Variants in RAD18 observed in about 807,000 individuals in gnomAD.
RAD18 encodes E3 ubiquitin-protein ligase RAD18.
A neutral mutation model predicts 60.4 loss-of-function variants in RAD18; 47 were observed. The ratio of observed to expected loss-of-function variants is 0.78; its 90% confidence interval spans 0.62 to 0.99. The LOEUF is 0.99. RAD18 is among the 50% of genes least tolerant of loss of function. The probability of loss-of-function intolerance (pLI) is 0.00; values close to 1 mark genes in which losing one functional copy is unlikely to be tolerated. For missense variants in RAD18, 640 were observed against 593.3 expected (o/e 1.08, Z -0.82); for synonymous variants, 225 against 195.5 (o/e 1.15, Z -1.26).
intron 7 of RAD18, among the ~76,000 whole-genome samples, chr3:8,916,104 T>C (rs1207365779): frequency 6.6e-6 from 1 of 152,148 alleles, no homozygotes; most frequent in Non-Finnish European, 1.5e-5. Context: ...AGCAAAAATG[T>C]TATCCCCAGA....
chr3:8,962,208 G>C (rs1363955986), intron 1 of RAD18, among the ~76,000 whole-genome samples: 1 of 152,182 alleles, frequency 6.6e-6, no homozygotes, highest in East Asian at 1.9e-4. Flanking sequence ...TTCAGGCTCA[G>C]AGAGGTTAAG....
intron 12 of RAD18, among the ~76,000 whole-genome samples, chr3:8,881,804 G>C (rs1250085011): frequency 1.3e-5 from 2 of 152,166 alleles, no homozygotes; most frequent in African/African-American, 4.8e-5. Flanking sequence ...TCTTAACTCT[G>C]TTTGATCCTT....
At chr3:8,934,308 C>A (rs895304019) in intron 7 of RAD18, among the ~76,000 whole-genome samples, 1 of 152,006 alleles carries the variant, frequency 6.6e-6, no homozygotes, top group African/African-American at 2.4e-5. Context: ...TTCAATGATG[C>A]CATTAAGAGA....
At chr3:8,905,602 A>G (rs1296341219) in intron 9 of RAD18, among the ~76,000 whole-genome samples, 1 of 152,242 alleles carries the variant, frequency 6.6e-6, no homozygotes, top group Non-Finnish European at 1.5e-5. Context: ...CCAACCAGCT[A>G]AATGTGGATG....
Position 8,963,354 on chromosome 3 carries a change from G to C in RAD18, c.32C>G (p.Pro11Arg). ...ACTCACCTTCATGACTGCCAGGCCC[G>C]GAGGCCACCGAGACTCGGCCAGGGA... MDSLAESRWP[P>R]GLAVMKTIDD... is the part of the protein sequence containing the mutation. The change falls in exon 1 of 13, where the codon CCG becomes CGG. Residue 11 changes from proline (P) to arginine (R), a missense_variant. Coordinates refer to ENST00000264926, the MANE Select transcript of RAD18 (RefSeq NM_020165.4). 5 of 1,611,470 alleles carry C rather than the reference G, an allele frequency of 3.1e-6. No individual in the cohort carries two copies. Among genetic ancestry groups the C allele is most frequent in the Non-Finnish European group, 4.2e-6 (5 of 1,178,906 alleles).
At chr3:8,955,771 A>G (rs1302890987) in intron 2 of RAD18, among the ~76,000 whole-genome samples, 1 of 152,216 alleles carries the variant, frequency 6.6e-6, no homozygotes, top group Non-Finnish European at 1.5e-5. Flanking sequence ...TCACAAGTCC[A>G]GGGAAGACAC....
chr3:8,918,602 G>A (rs569176514), intron 7 of RAD18, among the ~76,000 whole-genome samples: 1 of 152,198 alleles, frequency 6.6e-6, no homozygotes, highest in Admixed American at 6.5e-5. Flanking sequence ...TGTCACCCTG[G>A]GGTGTCTTTG....
chr3:8,948,532 T>C lies in RAD18; in HGVS notation c.172A>G (p.Thr58Ala). 1 of 1,612,906 alleles carries C rather than the reference T, an allele frequency of 6.2e-7. No homozygotes were observed. The change falls in exon 3 of 13, where the codon ACT becomes GCT. Residue 58 changes from threonine (T) to alanine (A), a missense_variant. Physicochemically the swap from Thr to Ala is moderately conservative, Grantham distance 58 (BLOSUM62 0). Transcript: ENST00000264926. ...ACCACACAGCAAGTTGGACACTGAG[T>C]TTTATAGGACAGAAATTTTCTTATA... Reference protein sequence around the residue: ...LCIRKFLSYKTQCPTCCVTVT... With the variant: ...LCIRKFLSYKAQCPTCCVTVT...
At chr3:8,945,468 CTTTTTTT>C (rs375744764) in intron 4 of RAD18, among the ~76,000 whole-genome samples, 2 of 96,374 alleles carry the variant, frequency 2.1e-5, no homozygotes, top group Non-Finnish European at 3.9e-5. Flanking sequence ...TTTCCATCTT[CTTTTTTT>C]TTTTTTTTTT....
chr3:8,916,758 C>T (rs186335740), intron 7 of RAD18, among the ~76,000 whole-genome samples: 536 of 150,924 alleles, frequency 3.6e-3, no homozygotes, highest in Middle Eastern at 0.027. Flanking sequence ...ATCAGTGAAC[C>T]TAAAATTGGA....
intron 7 of RAD18, among the ~76,000 whole-genome samples, chr3:8,921,730 G>A (rs563104836): frequency 8.1e-4 from 123 of 151,072 alleles, no homozygotes; most frequent in Non-Finnish European, 1.1e-3. Flanking sequence ...GTTTTTTCAG[G>A]CAAAAGAAAA....
intron 4 of RAD18, among the ~76,000 whole-genome samples, chr3:8,944,368 G>A (rs1447409948): frequency 6.6e-6 from 1 of 152,054 alleles, no homozygotes; most frequent in East Asian, 1.9e-4. Flanking sequence ...CATATTTAAG[G>A]AAGCTTTGTT....
chr3:8,930,323 A>G (rs1017847469), intron 7 of RAD18, among the ~76,000 whole-genome samples: 3 of 152,242 alleles, frequency 2.0e-5, no homozygotes, highest in African/African-American at 7.2e-5. Context: ...GCCACATGCT[A>G]TATGGTTCCA....
chr3:8,943,823 C>T (rs1940795654), intron 4 of RAD18, among the ~76,000 whole-genome samples: 1 of 152,132 alleles, frequency 6.6e-6, no homozygotes, highest in South Asian at 2.1e-4. Context: ...TGAACGATAG[C>T]ATGAAGGGTT....
intron 9 of RAD18, among the ~76,000 whole-genome samples, chr3:8,907,200 C>T (rs1291701062): frequency 1.3e-5 from 2 of 152,216 alleles, no homozygotes; most frequent in Non-Finnish European, 2.9e-5. Context: ...TAAGGCTCAT[C>T]GCATTTTTTG....
At chr3:8,939,216 T>G (rs184542358) in intron 6 of RAD18, among the ~76,000 whole-genome samples, 21 of 152,278 alleles carry the variant, frequency 1.4e-4, no homozygotes, top group Non-Finnish European at 2.1e-4. Flanking sequence ...GAGTCTAACC[T>G]TGCTTTCTTT....
At chr3:8,932,695 G>C (rs1940580064) in intron 7 of RAD18, among the ~76,000 whole-genome samples, 2 of 152,138 alleles carry the variant, frequency 1.3e-5, no homozygotes, top group Non-Finnish European at 2.9e-5. Context: ...GTTCATAACA[G>C]CTTTACTGAT....
intron 2 of RAD18, among the ~76,000 whole-genome samples, chr3:8,951,730 T>C (rs1451112075): frequency 6.6e-6 from 1 of 152,218 alleles, no homozygotes; most frequent in Non-Finnish European, 1.5e-5. Context: ...ATGACAGCAA[T>C]GGTACAAAAG....
Position 8,908,258 on chromosome 3 carries a change from C to G in RAD18, c.1027+4054G>C, listed in dbSNP as rs149126381. Among the ~76,000 whole-genome samples the G allele has an allele frequency of 3.8e-3, 570 of 148,940 alleles. 5 individuals are homozygous for G. Among genetic ancestry groups the G allele is most frequent in the African/African-American group, 0.014 (553 of 39,198 alleles). ...CTTCCCCCAGGCCCCCAACCCCCAACTATTCACTTTAAGCATTTTTTTTTT... is the reference window on the plus strand; with the variant it reads ...CTTCCCCCAGGCCCCCAACCCCCAAGTATTCACTTTAAGCATTTTTTTTTT... On this transcript the variant is annotated intron_variant, in intron 9 of 12. Coordinates refer to ENST00000264926, the MANE Select transcript of RAD18 (RefSeq NM_020165.4).
Sources: gnomAD v4.1 joint callset for allele counts (sites outside exome capture counted in the v4.1 genomes callset) on GRCh38, gnomAD v4.1.1 for gene constraint, MANE v1.5 for transcripts, NCBI Gene and HGNC (gene_info 2026-07-23, HGNC 2026-07-21) for gene names.